The following PLD5 variants were observed in gnomAD, a reference collection of about 807,000 sequenced individuals.
The protein encoded by PLD5 is inactive phospholipase D5.
In PLD5, 36 loss-of-function variants were observed where a neutral mutation model predicts 61.1. The ratio of observed to expected loss-of-function variants is 0.59; its 90% confidence interval spans 0.45 to 0.78. The LOEUF (loss-of-function observed/expected upper bound fraction) is 0.78, where lower values mean the gene tolerates loss of function less well. Among genes scored for constraint, PLD5 ranks in the 30% least tolerant of loss-of-function variants. The pLI is 0.00. For missense variants in PLD5, 515 were observed against 644.4 expected (o/e 0.80, Z 2.17); for synonymous variants, 243 against 242.8 (o/e 1.00, Z -0.01).
At chr1:242,124,181 A>G (rs765971552) in intron 6 of PLD5, among the ~76,000 whole-genome samples, 55 of 152,166 alleles carry the variant, frequency 3.6e-4, no homozygotes, top group Non-Finnish European at 5.4e-4. Context: ...TAAGGTCGAT[A>G]CCTTCATTTG....
intron 5 of PLD5, among the ~76,000 whole-genome samples, chr1:242,166,602 A>G (rs1362452269): frequency 6.6e-6 from 1 of 152,240 alleles, no homozygotes; most frequent in Admixed American, 6.5e-5. Context: ...TATGTCAAGG[A>G]AGACACTGAT....
intron 5 of PLD5, among the ~76,000 whole-genome samples, chr1:242,202,575 G>A (rs1158223348): frequency 6.6e-6 from 1 of 152,162 alleles, no homozygotes. Flanking sequence ...ACTCGAGAGA[G>A]GCTGGATGGC....
At chr1:242,131,383 G>A (rs964614952) in intron 5 of PLD5, among the ~76,000 whole-genome samples, 6 of 152,074 alleles carry the variant, frequency 3.9e-5, no homozygotes, top group Admixed American at 6.6e-5. Context: ...TTTGAAGTAC[G>A]GGGGACTTTG....
intron 5 of PLD5, among the ~76,000 whole-genome samples, chr1:242,173,528 T>C (rs1477944791): frequency 1.3e-5 from 2 of 152,150 alleles, no homozygotes; most frequent in African/African-American, 2.4e-5. Flanking sequence ...AATGACTTTC[T>C]TCACAGAATT....
chr1:242,425,704 G>T (rs1035007210), intron 1 of PLD5, among the ~76,000 whole-genome samples: 1 of 146,296 alleles, frequency 6.8e-6, no homozygotes, highest in Non-Finnish European at 1.5e-5. Flanking sequence ...GTGCAGTGGC[G>T]CAATCTCAGC....
chr1:242,093,347 C>T (rs185448362), intron 9 of PLD5, among the ~76,000 whole-genome samples: 3 of 152,294 alleles, frequency 2.0e-5, no homozygotes, highest in Admixed American at 2.0e-4. Context: ...AAGCAAAAGG[C>T]TCCTGTGGTC....
intron 3 of PLD5, among the ~76,000 whole-genome samples, chr1:242,278,935 A>G (rs536524021): frequency 6.6e-6 from 1 of 152,342 alleles, no homozygotes; most frequent in African/African-American, 2.4e-5. Context: ...CCGTGAGGTT[A>G]TGCTGTCTTT....
intron 1 of PLD5, among the ~76,000 whole-genome samples, chr1:242,358,114 C>T (rs144292181): frequency 0.021 from 3,233 of 152,112 alleles, 52 homozygotes; most frequent in East Asian, 0.033. Flanking sequence ...ATTTCTTTGT[C>T]AAACTTCTCA....
rs888845793 is a variant in PLD5 at position 242,481,781 on chromosome 1, C to T, written c.189+42307G>A. Reference sequence around the variant, plus strand: ...GCCTCCTCAAGTGGGTCCCTGACCCCTGAGTAGCCTAACTGAGAGGCACCC... The same window carrying T: ...GCCTCCTCAAGTGGGTCCCTGACCCTTGAGTAGCCTAACTGAGAGGCACCC... On this transcript the variant is annotated intron_variant, in intron 1 of 9. Transcript: ENST00000536534. Among the ~76,000 whole-genome samples, 8 of 152,344 alleles carry T rather than the reference C, an allele frequency of 5.3e-5. No homozygotes were observed. The South Asian group carries it at 8.3e-4, about 16-fold the overall frequency.
chr1:242,263,635 G>A (rs1291125143), intron 4 of PLD5, among the ~76,000 whole-genome samples: 5 of 152,026 alleles, frequency 3.3e-5, no homozygotes, highest in Admixed American at 6.6e-5. Flanking sequence ...TCCTATGAAG[G>A]AAAATCATTT....
intron 1 of PLD5, among the ~76,000 whole-genome samples, chr1:242,373,713 C>T (rs1661782941): frequency 6.6e-6 from 1 of 152,104 alleles, no homozygotes; most frequent in South Asian, 2.1e-4. Context: ...GAAAACCAAA[C>T]ACCGCACGTT....
At chr1:242,406,510 C>T (rs1054740327) in intron 1 of PLD5, among the ~76,000 whole-genome samples, 1 of 152,234 alleles carries the variant, frequency 6.6e-6, no homozygotes. Context: ...GTTGATCCGT[C>T]ACTAGGCATG....
intron 1 of PLD5, among the ~76,000 whole-genome samples, chr1:242,444,557 T>G (rs985061994): frequency 2.0e-5 from 3 of 149,720 alleles, no homozygotes; most frequent in Non-Finnish European, 4.4e-5. Flanking sequence ...GCATGTAACC[T>G]CCTCTGATCC....
chr1:242,212,156 T>G lies in PLD5; in HGVS notation c.735+7832A>C, dbSNP rs559999497. ...ACCTGCTTTACCACCTCCTCTTCCC[T>G]CAGCCCCGATATCACCAGGCCAAAA... On this transcript the variant is annotated intron_variant, in intron 5 of 9. Coordinates refer to ENST00000536534, the MANE Select transcript of PLD5 (RefSeq NM_001372062.1). 5.4e-4 allele frequency among the ~76,000 whole-genome samples: 82 copies of G among 152,214 alleles called. 2 individuals are homozygous for G. The South Asian group carries it at 0.016, about 30-fold the overall frequency.
chr1:242,457,895 G>A (rs1666992352), intron 1 of PLD5, among the ~76,000 whole-genome samples: 2 of 152,142 alleles, frequency 1.3e-5, no homozygotes, highest in African/African-American at 4.8e-5. Flanking sequence ...CGCTCCTATC[G>A]AGGTCTATGT....
chr1:242,333,762 T>A (rs1558473825), intron 2 of PLD5, among the ~76,000 whole-genome samples: 2 of 152,210 alleles, frequency 1.3e-5, no homozygotes. Flanking sequence ...TTTGTCTCCC[T>A]GTGGTTGGCT....
chr1:242,432,643 C>A (rs541969347), intron 1 of PLD5, among the ~76,000 whole-genome samples: 4 of 152,140 alleles, frequency 2.6e-5, no homozygotes, highest in Non-Finnish European at 1.5e-5. Flanking sequence ...CCAAGACAAG[C>A]CCTGGAAGAC....
chr1:242,128,316 G>GAAA (rs10677359), intron 5 of PLD5, among the ~76,000 whole-genome samples: 190 of 146,362 alleles, frequency 1.3e-3, no homozygotes, highest in African/African-American at 2.0e-3. Flanking sequence ...AGGAAAGAAA[G>GAAA]AAAAAAAAAA....
chr1:242,152,990 C>G (rs1351990899), intron 5 of PLD5, among the ~76,000 whole-genome samples: 1 of 152,124 alleles, frequency 6.6e-6, no homozygotes, highest in African/African-American at 2.4e-5. Context: ...AAAAGTGTTC[C>G]TATTTCTCCA....
Sources: allele counts gnomAD v4.1 joint callset (sites outside exome capture counted in the v4.1 genomes callset), GRCh38; gene constraint gnomAD v4.1.1; transcripts MANE v1.5; gene names NCBI Gene and HGNC (gene_info 2026-07-23, HGNC 2026-07-21).